The following PALLD variants were observed in gnomAD, a reference collection of about 807,000 sequenced individuals.
PALLD encodes palladin.
PALLD carries 61 observed loss-of-function variants against 123.5 expected under a neutral mutation model. The ratio of observed to expected loss-of-function variants is 0.49; its 90% CI spans 0.40 to 0.61. PALLD has a LOEUF of 0.61. Ranked by LOEUF, PALLD falls within the 20% of genes least tolerant of loss-of-function variation. PALLD has a pLI of 0.00. For synonymous variants in PALLD, 465 were observed against 496.4 expected, an observed-to-expected ratio of 0.94 and a Z score of 0.84; for missense variants, 1,273 against 1,377.0, an observed-to-expected ratio of 0.92 and a Z score of 1.20.
At chr4:168,741,346 T>TG (rs59322410) in intron 10 of PALLD, among the ~76,000 whole-genome samples, 198 of 68,584 alleles carry the variant, frequency 2.9e-3, no homozygotes, top group Admixed American at 9.5e-3. Context: ...ATTTGTTTTT[T>TG]TTGTGTGTGT....
chr4:168,766,849 C>A (rs869396), intron 10 of PALLD, among the ~76,000 whole-genome samples: 79,371 of 152,030 alleles, frequency 0.52, 21,026 homozygotes, highest in Admixed American at 0.61. Context: ...CTGTAACTGC[C>A]AGCTATTGGT....
intron 10 of PALLD, among the ~76,000 whole-genome samples, chr4:168,863,358 C>T (rs1268307499): frequency 6.6e-6 from 1 of 152,186 alleles, no homozygotes; most frequent in Non-Finnish European, 1.5e-5. Flanking sequence ...CCGCGCAGAT[C>T]TCACCCTCCA....
chr4:168,857,064 T>A (rs1478894836), intron 10 of PALLD, among the ~76,000 whole-genome samples: 1 of 152,268 alleles, frequency 6.6e-6, no homozygotes, highest in Non-Finnish European at 1.5e-5. Flanking sequence ...TATAAACTTA[T>A]AACTGTTGGA....
At chr4:168,577,370 A>C (rs1769733328) in intron 2 of PALLD, among the ~76,000 whole-genome samples, 16 of 152,154 alleles carry the variant, frequency 1.1e-4, no homozygotes, top group Admixed American at 1.0e-3. Context: ...CAAATATGGA[A>C]ATATAGAGTC....
At chr4:168,814,340 A>C (rs1194036469) in intron 10 of PALLD, among the ~76,000 whole-genome samples, 1 of 152,200 alleles carries the variant, frequency 6.6e-6, no homozygotes, top group Admixed American at 6.5e-5. Flanking sequence ...TAAGAATTGA[A>C]ATTCTGAATC....
Position 168,877,993 on chromosome 4 carries a change from C to T in PALLD, c.1965-12929C>T, listed in dbSNP as rs1752014732. Reference sequence around the variant, plus strand: ...TCATCGCCGCGCAGAACCTCGGGCCCGCGTCGGGCCACGGCACGCCGGCCT... The same window carrying T: ...TCATCGCCGCGCAGAACCTCGGGCCTGCGTCGGGCCACGGCACGCCGGCCT... On this transcript the variant is annotated intron_variant, in intron 10 of 21. Coordinates refer to ENST00000505667, the MANE Select transcript of PALLD (RefSeq NM_001166108.2). 1 of 1,499,866 alleles carries T rather than the reference C, an allele frequency of 6.7e-7. No homozygotes were observed. The highest frequency in any genetic ancestry group is 8.8e-7 in the Non-Finnish European group (1 of 1,130,264). The allele number at this position is 1,499,866 out of a possible 1,614,324, so 92.9% of individuals were successfully genotyped here.
chr4:168,921,773 C>T (rs1228139919), intron 18 of PALLD, 32 bp downstream of exon 18: 1 of 1,473,484 alleles, frequency 6.8e-7, no homozygotes, highest in Non-Finnish European at 9.5e-7. Flanking sequence ...TGCTCTCTGA[C>T]AGAATGAACA....
At chr4:168,911,638 C>T (rs151174225) in intron 15 of PALLD, among the ~76,000 whole-genome samples, 135 of 152,294 alleles carry the variant, frequency 8.9e-4, no homozygotes, top group Middle Eastern at 6.8e-3. Flanking sequence ...ACAGCAAGTA[C>T]AGATCTGGAG....
At chr4:168,738,837 A>G (rs1788039344) in intron 10 of PALLD, among the ~76,000 whole-genome samples, 1 of 151,906 alleles carries the variant, frequency 6.6e-6, no homozygotes, top group Non-Finnish European at 1.5e-5. Context: ...CATATCAAAA[A>G]TTACAGATGG....
intron 10 of PALLD, among the ~76,000 whole-genome samples, chr4:168,787,572 C>T (rs1487540561): frequency 6.6e-6 from 1 of 152,180 alleles, no homozygotes; most frequent in Non-Finnish European, 1.5e-5. Context: ...GCTGAATACC[C>T]AGATGTGGCC....
chr4:168,637,367 C>CAACT (rs1248520717), intron 2 of PALLD, among the ~76,000 whole-genome samples: 1 of 152,064 alleles, frequency 6.6e-6, no homozygotes, highest in Non-Finnish European at 1.5e-5. Context: ...TACCAGTAGA[C>CAACT]AACTACCAGC....
intron 12 of PALLD, among the ~76,000 whole-genome samples, chr4:168,895,506 A>G (rs1440312860): frequency 6.6e-6 from 1 of 152,276 alleles, no homozygotes; most frequent in Non-Finnish European, 1.5e-5. Flanking sequence ...TCTGTATGTT[A>G]TATGTATTAT....
chr4:168,917,553 G>A (rs1232674316), intron 17 of PALLD, among the ~76,000 whole-genome samples: 1 of 152,082 alleles, frequency 6.6e-6, no homozygotes. Context: ...CTTAAATTTA[G>A]TTTAACTCTT....
chr4:168,714,263 G>C (rs1352080631), intron 10 of PALLD, among the ~76,000 whole-genome samples: 1 of 152,068 alleles, frequency 6.6e-6, no homozygotes, highest in Non-Finnish European at 1.5e-5. Flanking sequence ...TGTATTATCA[G>C]AGCCTTTTCT....
At chr4:168,692,831 G>A (rs1171991369) in intron 8 of PALLD, among the ~76,000 whole-genome samples, 2 of 152,160 alleles carry the variant, frequency 1.3e-5, no homozygotes, top group African/African-American at 2.4e-5. Flanking sequence ...TTTTCATCGT[G>A]TTGTTATACG....
chr4:168,504,420 C>G (rs1761776058), intron 1 of PALLD, among the ~76,000 whole-genome samples: 1 of 152,038 alleles, frequency 6.6e-6, no homozygotes, highest in African/African-American at 2.4e-5. Context: ...ATGGTGAAAC[C>G]CTGTCTCTAC....
chr4:168,910,542 A>G (rs1758716872), intron 15 of PALLD, among the ~76,000 whole-genome samples: 1 of 152,226 alleles, frequency 6.6e-6, no homozygotes, highest in South Asian at 2.1e-4. Flanking sequence ...ACTGGTTATT[A>G]TAATTATATC....
chr4:168,889,827 C>T (rs1224834120), intron 10 of PALLD, among the ~76,000 whole-genome samples: 1 of 152,230 alleles, frequency 6.6e-6, no homozygotes, highest in African/African-American at 2.4e-5. Flanking sequence ...CAAAAATCTG[C>T]ATTTCTAACA....
chr4:168,595,996 C>A (rs1459817434), intron 2 of PALLD, among the ~76,000 whole-genome samples: 7 of 150,918 alleles, frequency 4.6e-5, no homozygotes, highest in African/African-American at 1.7e-4. Context: ...CCAAAGCAAC[C>A]CATACCATGC....
Sources: allele counts gnomAD v4.1 joint callset (sites outside exome capture counted in the v4.1 genomes callset), GRCh38; gene constraint gnomAD v4.1.1; transcripts MANE v1.5; gene names NCBI Gene and HGNC (gene_info 2026-07-23, HGNC 2026-07-21).